ADAM2: variants seen among roughly 807,000 people sequenced by gnomAD.
ADAM2 encodes ADAM metallopeptidase domain 2.
A neutral mutation model predicts 99.3 loss-of-function variants in ADAM2; 101 were observed. The ratio of observed to expected loss-of-function variants is 1.02; its 90% CI spans 0.87 to 1.20. ADAM2 has a LOEUF of 1.20. Ranked by LOEUF, ADAM2 falls within the 50% of genes most tolerant of loss-of-function variation. The pLI is 0.00. For synonymous variants in ADAM2, 323 were observed against 287.6 expected, an observed-to-expected ratio of 1.12 and a Z score of -1.25; for missense variants, 948 against 878.7, an observed-to-expected ratio of 1.08 and a Z score of -1.00.
At chr8:39,804,426 G>T (rs1484120456) in intron 7 of ADAM2, among the ~76,000 whole-genome samples, 3 of 152,198 alleles carry the variant, frequency 2.0e-5, no homozygotes, top group South Asian at 2.1e-4. Context: ...AGAATTAATG[G>T]ATAAATGTCT....
Position 39,767,165 on chromosome 8 carries a change from G to T in ADAM2, c.1299C>A (p.Cys433Ter). The change falls in exon 13 of 21, where the codon TGC becomes TGA. Residue 433 changes from cysteine (C) to a stop codon, truncating the protein, a stop_gained. Transcript: ENST00000265708. LOFTEE classifies it high-confidence loss of function. ...AGSNCAEGPC[C>*]ENCLFMSKER... ...AAAAAGCTCTTACTAGACAGTTTTCGCAGCATGGTCCTTCAGCACAGTTTG... is the reference window on the plus strand; with the variant it reads ...AAAAAGCTCTTACTAGACAGTTTTCTCAGCATGGTCCTTCAGCACAGTTTG... The T allele has an allele frequency of 6.2e-7, 1 of 1,606,074 alleles. No homozygotes were observed. The highest frequency in any genetic ancestry group is 8.5e-7 in the Non-Finnish European group (1 of 1,178,220).
chr8:39,759,447 G>C (rs548012905), intron 15 of ADAM2, among the ~76,000 whole-genome samples: 95 of 152,084 alleles, frequency 6.2e-4, no homozygotes, highest in African/African-American at 2.3e-3. Context: ...TCTGACACTG[G>C]GTTTGTTCCT....
chr8:39,749,168 G>T, intron 18 of ADAM2, 144 bp downstream of exon 18: 1 of 693,992 alleles, frequency 1.4e-6, no homozygotes, highest in Non-Finnish European at 2.4e-6. Context: ...CTCTGGAAGT[G>T]GAAGTAACAC....
chr8:39,805,642 A>G lies in ADAM2; in HGVS notation c.570+3768T>C, dbSNP rs79320260. ...TTTTAGCTGAGCTGTTCCCATCCTC[A>G]TAGCTAGCTCTAGCCTGTGGCAATT... On this transcript the variant is annotated intron_variant, in intron 7 of 20. Coordinates refer to ENST00000265708, the MANE Select transcript of ADAM2 (RefSeq NM_001464.5). 5.0e-3 allele frequency among the ~76,000 whole-genome samples: 760 copies of G among 152,314 alleles called. 5 individuals carry two copies. Among genetic ancestry groups the G allele is most frequent in the African/African-American group, 0.017 (725 of 41,574 alleles).
intron 14 of ADAM2, 93 bp from the exon 15 acceptor site, chr8:39,761,374 A>T: frequency 1.6e-6 from 1 of 629,066 alleles, no homozygotes; most frequent in South Asian, 3.3e-5. Flanking sequence ...GGTTTAAGAT[A>T]TTCATTGTAC....
chr8:39,794,001 A>C (rs1489829129), intron 7 of ADAM2, among the ~76,000 whole-genome samples: 2 of 152,190 alleles, frequency 1.3e-5, no homozygotes, highest in Non-Finnish European at 2.9e-5. Context: ...AAAAAATCTT[A>C]AAAGTCTGTT....
At chr8:39,834,270 T>A (rs1486417065) in intron 2 of ADAM2, among the ~76,000 whole-genome samples, 1 of 152,166 alleles carries the variant, frequency 6.6e-6, no homozygotes, top group East Asian at 1.9e-4. Context: ...TTTATTGAAT[T>A]CTGTTTGATC....
At chr8:39,770,333 A>G (rs1170901067) in intron 11 of ADAM2, among the ~76,000 whole-genome samples, 4 of 152,322 alleles carry the variant, frequency 2.6e-5, no homozygotes, top group South Asian at 4.1e-4. Flanking sequence ...TATGCCCAAT[A>G]GCTCCGATAT....
chr8:39,799,466 T>C (rs1438265605), intron 7 of ADAM2, among the ~76,000 whole-genome samples: 1 of 152,218 alleles, frequency 6.6e-6, no homozygotes, highest in Non-Finnish European at 1.5e-5. Context: ...ATGTGGTTGA[T>C]TTTAGAATAA....
chr8:39,786,931 A>G, intron 10 of ADAM2, 43 bp downstream of exon 10: 3 of 1,365,404 alleles, frequency 2.2e-6, no homozygotes, highest in East Asian at 2.5e-5. Flanking sequence ...GTAACTGTAT[A>G]CTAATTTATG....
chr8:39,746,408 C>A, intron 19 of ADAM2, 64 bp downstream of exon 19: 1 of 1,075,146 alleles, frequency 9.3e-7, no homozygotes, highest in Non-Finnish European at 1.3e-6. Flanking sequence ...ACATCGACCA[C>A]ATTGCTATTT....
intron 7 of ADAM2, among the ~76,000 whole-genome samples, chr8:39,807,357 T>C (rs1804482931): frequency 6.6e-6 from 1 of 152,176 alleles, no homozygotes; most frequent in South Asian, 2.1e-4. Flanking sequence ...GATATTTAGA[T>C]GAGACTTTGG....
chr8:39,804,865 A>G (rs1804372730), intron 7 of ADAM2, among the ~76,000 whole-genome samples: 1 of 152,196 alleles, frequency 6.6e-6, no homozygotes, highest in African/African-American at 2.4e-5. Flanking sequence ...CTCTTAAAAT[A>G]CTTGCAGTAT....
chr8:39,812,980 G>A (rs1003985840), intron 6 of ADAM2, among the ~76,000 whole-genome samples: 2 of 152,048 alleles, frequency 1.3e-5, no homozygotes, highest in Admixed American at 1.3e-4. Flanking sequence ...GAGTGAAGAG[G>A]CAACCTATAG....
At chr8:39,746,717 T>A in intron 18 of ADAM2, 86 bp from the exon 19 acceptor site, 1 of 1,068,346 alleles carries the variant, frequency 9.4e-7, no homozygotes, top group Non-Finnish European at 1.3e-6. Context: ...TCTACCAAAA[T>A]AAAATCTTTG....
In ADAM2 at chr8:39,821,169, C is replaced by A; in HGVS notation, c.346G>T (p.Gly116Cys). Residue 116 changes from glycine to cysteine, a missense_variant and splice_region_variant, in exon 6 of 21, where the codon GGC (glycine) becomes TGC (cysteine). By Grantham distance (159) the Gly-to-Cys change is radical (BLOSUM62 -3). Coordinates refer to ENST00000265708, the MANE Select transcript of ADAM2 (RefSeq NM_001464.5). ...VMVSTCTGLR[G>C]VLQFENVSYG... Reference sequence around the variant, plus strand: ...CTAACATTTTCAAACTGTAGTACGCCCCTAAAAATTTCAAAAAAAAATTAA... The same window carrying A: ...CTAACATTTTCAAACTGTAGTACGCACCTAAAAATTTCAAAAAAAAATTAA... 1.3e-6 allele frequency: 2 copies of A among 1,555,756 alleles called. No homozygotes were observed. The highest frequency in any genetic ancestry group is 1.4e-5 in the African/African-American group (1 of 71,850).
At chr8:39,807,693 T>C (rs1031713405) in intron 7 of ADAM2, among the ~76,000 whole-genome samples, 1 of 152,178 alleles carries the variant, frequency 6.6e-6, no homozygotes, top group African/African-American at 2.4e-5. Context: ...ACCATGCTGC[T>C]ACCCAGGTCT....
intron 19 of ADAM2, among the ~76,000 whole-genome samples, chr8:39,745,125 C>T (rs1005300341): frequency 1.3e-4 from 20 of 152,016 alleles, no homozygotes; most frequent in South Asian, 2.1e-4. Flanking sequence ...TATGTTTACC[C>T]GAAAAGAAAC....
In ADAM2 at chr8:39,777,149, T is replaced by C. The variant is rs776447745; in HGVS notation, c.904A>G (p.Ile302Val). Residue 302 changes from isoleucine to valine, a missense_variant, in exon 11 of 21, where the codon ATA becomes GTA. Coordinates refer to ENST00000265708, the MANE Select transcript of ADAM2 (RefSeq NM_001464.5). ...ATAACTGCAAGTGATTCCAGACTTATGGTTCTGGGGTGCTGAGAAAAAAAA... is the reference window on the plus strand; with the variant it reads ...ATAACTGCAAGTGATTCCAGACTTACGGTTCTGGGGTGCTGAGAAAAAAAA... ...AGGVVLHPRT[I>V]SLESLAVILA... The C allele has an allele frequency of 3.3e-5, 53 of 1,611,416 alleles. No homozygotes were observed. Among genetic ancestry groups the C allele is most frequent in the South Asian group, 2.9e-4 (26 of 90,730 alleles).
Sources: allele counts gnomAD v4.1 joint callset (sites outside exome capture counted in the v4.1 genomes callset), GRCh38; gene constraint gnomAD v4.1.1; transcripts MANE v1.5; gene names NCBI Gene and HGNC (gene_info 2026-07-23, HGNC 2026-07-21).